KLKB1: variants seen among roughly 807,000 people sequenced by gnomAD.
KLKB1 encodes the protein kallikrein B1, also known as plasma kallikrein.
KLKB1 carries 58 observed loss-of-function variants against 73.6 expected under a neutral mutation model. That is an observed-to-expected ratio of 0.79 (90% CI 0.64 to 0.98). The LOEUF (loss-of-function observed/expected upper bound fraction) is 0.98, where lower values mean the gene tolerates loss of function less well. Among genes scored for constraint, KLKB1 ranks in the 50% least tolerant of loss-of-function variants. The probability of loss-of-function intolerance (pLI) is 0.00; values close to 1 mark genes in which losing one functional copy is unlikely to be tolerated. For missense variants in KLKB1, 737 were observed against 763.8 expected (o/e 0.96, Z 0.41); for synonymous variants, 280 against 258.1 (o/e 1.08, Z -0.81).
At chr4:186,236,113 C>CAA (rs57285912) in intron 4 of KLKB1, among the ~76,000 whole-genome samples, 5 of 113,726 alleles carry the variant, frequency 4.4e-5, no homozygotes, top group Admixed American at 8.9e-5. Flanking sequence ...GACTCCGTCT[C>CAA]AAAAAAAAAA....
chr4:186,243,014 A>T (rs975284202), intron 6 of KLKB1, among the ~76,000 whole-genome samples: 7 of 151,470 alleles, frequency 4.6e-5, no homozygotes, highest in Non-Finnish European at 7.4e-5. Context: ...GCCTTCTCAG[A>T]CCCTGTGGGA....
intron 6 of KLKB1, among the ~76,000 whole-genome samples, chr4:186,239,914 A>C (rs1160763399): frequency 6.7e-6 from 1 of 148,288 alleles, no homozygotes; most frequent in African/African-American, 2.5e-5. Flanking sequence ...TTATAGTTAT[A>C]GGTACAGTGA....
intron 2 of KLKB1, among the ~76,000 whole-genome samples, chr4:186,229,181 A>G (rs540414185): frequency 6.6e-6 from 1 of 152,314 alleles, no homozygotes; most frequent in South Asian, 2.1e-4. Flanking sequence ...ACCACAGCCA[A>G]CTACAGGGGG....
chr4:186,239,240 G>C (rs139276089), intron 6 of KLKB1, among the ~76,000 whole-genome samples: 28,224 of 71,968 alleles, frequency 0.39, 6,571 homozygotes, highest in African/African-American at 0.54. Flanking sequence ...GTTATAGGTA[G>C]AGTGATATAG....
chr4:186,219,663 C>T (rs1736990542), intron 2 of KLKB1, among the ~76,000 whole-genome samples: 1 of 152,164 alleles, frequency 6.6e-6, no homozygotes, highest in African/African-American at 2.4e-5. Flanking sequence ...TGATGACTAC[C>T]TTCTTCTACT....
Position 186,233,971 on chromosome 4 carries a change from G to T in KLKB1, c.241G>T (p.Asp81Tyr). The change falls in exon 4 of 15, where the codon GAT becomes TAT. Residue 81 changes from aspartate to tyrosine, a missense_variant. Physicochemically the swap from Asp to Tyr is radical, Grantham distance 160. Transcript: ENST00000264690. ...AAATAGGTTTGGTTGCTTCTTGAAA[G>T]ATAGTGTTACAGGAACCCTGCCAAA... ...MEKRFGCFLK[D>Y]SVTGTLPKVH... 6.2e-7 allele frequency: 1 copy of T among 1,613,792 alleles called. No homozygotes were observed. Among genetic ancestry groups the T allele is most frequent in the Non-Finnish European group, 8.5e-7 (1 of 1,179,722 alleles).
At chr4:186,237,929 A>AT (rs1459216982) in intron 5 of KLKB1, among the ~76,000 whole-genome samples, 1 of 151,484 alleles carries the variant, frequency 6.6e-6, no homozygotes, top group Non-Finnish European at 1.5e-5. Context: ...TTCTGAAGTC[A>AT]TTTTCTGAAG....
chr4:186,252,166 G>T lies in KLKB1; in HGVS notation c.1294G>T (p.Ala432Ser), dbSNP rs575550255. Residue 432 changes from alanine to serine, a missense_variant, in exon 11 of 15, where the codon GCT (alanine) becomes TCT (serine). Transcript: ENST00000264690. ...SLIGHQWVLT[A>S]AHCFDGLPLQ... ...CATAGGACACCAGTGGGTCCTCACT[G>T]CTGCCCACTGCTTTGATGGGTAAGT... is the stretch of plus-strand genomic sequence containing the variant. The T allele has an allele frequency of 1.2e-6, 2 of 1,613,788 alleles. No homozygotes were observed. The highest frequency in any genetic ancestry group is 2.2e-5 in the East Asian group (1 of 44,880).
At chr4:186,212,786 G>C (rs1397330179) in intron 2 of KLKB1, 2 of 152,230 alleles carry the variant, frequency 1.3e-5, no homozygotes, top group Admixed American at 6.5e-5. Context: ...TGTAGCCTGG[G>C]CCATTTAAGA....
At chr4:186,215,988 T>A (rs568803360) in intron 2 of KLKB1, among the ~76,000 whole-genome samples, 8 of 152,242 alleles carry the variant, frequency 5.3e-5, no homozygotes, top group Non-Finnish European at 1.2e-4. Flanking sequence ...AGGACTGCAG[T>A]GTCTCATATG....
rs368044114 is a variant in KLKB1, at chr4:186,256,050, C to G, written c.1548C>G (p.Asn516Lys). The part of the protein sequence containing the change: ...SKGDTSTIYT[N>K]CWVTGWGFSK... ...GTGACACAAGCACAATTTATACCAA[C>G]TGTTGGGTAACCGGATGGGGCTTCT... is the stretch of plus-strand genomic sequence containing the variant. The change falls in exon 13 of 15, where the codon AAC becomes AAG. Residue 516 changes from asparagine (N) to lysine (K), a missense_variant. Transcript: ENST00000264690. The G allele has an allele frequency of 4.3e-6, 7 of 1,613,014 alleles. No individual in the cohort carries two copies. The African/African-American group carries it at 8.0e-5, about 18-fold the overall frequency.
In KLKB1 at chr4:186,257,376, A is replaced by C. The variant is rs1580048053; in HGVS notation, c.1725+11A>C. Reference sequence around the variant, plus strand: ...AAAGATGCTTGTAAGGTAACTCATGAGATTATGAAAAACACAATAGGCTGC... The same window carrying C: ...AAAGATGCTTGTAAGGTAACTCATGCGATTATGAAAAACACAATAGGCTGC... On this transcript the variant is annotated intron_variant, in intron 14 of 14. Coordinates refer to ENST00000264690, the MANE Select transcript of KLKB1 (RefSeq NM_000892.5). 5 of 1,573,086 alleles carry C rather than the reference A, an allele frequency of 3.2e-6. No individual in the cohort carries two copies. The East Asian group carries it at 1.2e-4, about 36-fold the overall frequency.
intron 2 of KLKB1, among the ~76,000 whole-genome samples, chr4:186,215,682 T>A (rs1224308992): frequency 6.6e-6 from 1 of 152,126 alleles, no homozygotes; most frequent in African/African-American, 2.4e-5. Context: ...CAAGGGATCA[T>A]CCCACCTCAG....
intron 6 of KLKB1, among the ~76,000 whole-genome samples, chr4:186,242,597 A>G (rs1024534537): frequency 1.1e-4 from 16 of 152,150 alleles, no homozygotes; most frequent in Admixed American, 3.3e-4. Context: ...GTGAAATGAG[A>G]AACTAAATGG....
intron 13 of KLKB1, among the ~76,000 whole-genome samples, chr4:186,256,470 C>G (rs888593241): frequency 6.6e-6 from 1 of 152,194 alleles, no homozygotes; most frequent in African/African-American, 2.4e-5. Context: ...GGTGTGTCGT[C>G]TCACTATGGA....
Position 186,251,179 on chromosome 4 carries a change from A to ATTTC in KLKB1, c.759-30_759-27dup, listed in dbSNP as rs767184622. 34 of 1,407,528 alleles carry ATTTC rather than the reference A, an allele frequency of 2.4e-5. No individual in the cohort carries two copies. The Middle Eastern group carries it at 5.5e-4, about 23-fold the overall frequency. 87.2% of individuals were successfully genotyped at this position (1,407,528 alleles called of 1,614,324 possible). ...TATTTGCCTAATGCCTTTAATGCAAATTTCTTTCTTTCTCTCTTGCTTTTT... is the reference window on the plus strand; with the variant it reads ...TATTTGCCTAATGCCTTTAATGCAAATTTCTTTCTTTCTTTCTCTCTTGCTTTTT... On this transcript the variant is annotated intron_variant, in intron 7 of 14. Transcript: ENST00000264690.
At chr4:186,225,423 CTTT>C (rs35336018), upstream of KLKB1, among the ~76,000 whole-genome samples, 217 of 106,640 alleles carry the variant, frequency 2.0e-3, no homozygotes, top group Admixed American at 2.8e-3. Flanking sequence ...GTGAGGATTT[CTTT>C]TTTTTTTTTT....
In KLKB1 at chr4:186,252,022, A is replaced by T; in HGVS notation, c.1150A>T (p.Thr384Ser). 3 of 1,614,218 alleles carry T rather than the reference A, an allele frequency of 1.9e-6. No individual in the cohort carries two copies. The highest frequency in any genetic ancestry group is 2.5e-6 in the Non-Finnish European group (3 of 1,180,056). ...CGTCAACGCTCTCTTTTCAGTCTGC[A>T]CAACAAAAACAAGCACACGCATTGT... Reference protein sequence around the residue: ...LCNTGDNSVCTTKTSTRIVGG... With the variant: ...LCNTGDNSVCSTKTSTRIVGG... Residue 384 changes from threonine to serine, a missense_variant, in exon 11 of 15, where the codon ACA becomes TCA. Thr to Ser is a moderately conservative substitution (Grantham distance 58). Coordinates refer to ENST00000264690, the MANE Select transcript of KLKB1 (RefSeq NM_000892.5).
intron 2 of KLKB1, among the ~76,000 whole-genome samples, chr4:186,220,609 G>A (rs1561444450): frequency 6.6e-6 from 1 of 152,100 alleles, no homozygotes; most frequent in African/African-American, 2.4e-5. Flanking sequence ...TTGTGAATGT[G>A]GTATATAGCA....
Sources: allele counts gnomAD v4.1 joint callset (sites outside exome capture counted in the v4.1 genomes callset), GRCh38; gene constraint gnomAD v4.1.1; transcripts MANE v1.5; gene names NCBI Gene and HGNC (gene_info 2026-07-23, HGNC 2026-07-21).